The following SVIL variants were observed in gnomAD, a reference collection of about 807,000 sequenced individuals.
SVIL encodes the protein archvillin.
SVIL carries 101 observed loss-of-function variants against 240.4 expected under a neutral mutation model. That is an observed-to-expected ratio of 0.42 (90% CI 0.36 to 0.50). The LOEUF is 0.50. Among genes scored for constraint, SVIL ranks in the 20% least tolerant of loss-of-function variants. The pLI, the probability that SVIL is intolerant of heterozygous loss-of-function variation, is 0.01. For synonymous variants in SVIL, 999 were observed against 1,100.0 expected, an observed-to-expected ratio of 0.91 and a Z score of 1.82; for missense variants, 2,512 against 2,818.7, an observed-to-expected ratio of 0.89 and a Z score of 2.46.
intron 36 of SVIL, chr10:29,458,864 TG>T: frequency 4.7e-6 from 1 of 211,160 alleles, no homozygotes. Flanking sequence ...TGGAGTGCAG[TG>T]GTGCAATCAT....
At chr10:29,668,516 C>T (rs1260108162) in intron 2 of SVIL, among the ~76,000 whole-genome samples, 1 of 152,142 alleles carries the variant, frequency 6.6e-6, no homozygotes, top group African/African-American at 2.4e-5. Context: ...CTCTGTTGCC[C>T]AGGCTGGAGT....
chr10:29,609,277 C>A (rs1157862013), intron 1 of SVIL, among the ~76,000 whole-genome samples: 1 of 152,198 alleles, frequency 6.6e-6, no homozygotes, highest in Non-Finnish European at 1.5e-5. Context: ...TGCTCCTGGG[C>A]TATGGGAGTA....
chr10:29,707,983 C>T (rs915926055), intron 1 of SVIL, among the ~76,000 whole-genome samples: 5 of 152,130 alleles, frequency 3.3e-5, no homozygotes, highest in South Asian at 4.2e-4. Context: ...ACAGGCCATG[C>T]GCGGTGGCTC....
chr10:29,470,182 T>C, intron 32 of SVIL, 94 bp downstream of exon 32: 1 of 1,427,288 alleles, frequency 7.0e-7, no homozygotes, highest in Non-Finnish European at 9.8e-7. Context: ...TTCAGCACCC[T>C]GGGATCTGCT....
At chr10:29,466,610 C>T (rs1370433957) in intron 33 of SVIL, among the ~76,000 whole-genome samples, 2 of 152,296 alleles carry the variant, frequency 1.3e-5, no homozygotes, top group East Asian at 3.9e-4. Context: ...AACAACTCAA[C>T]TCCCCAGCTG....
At chr10:29,495,281 A>G in intron 18 of SVIL, 100 bp from the exon 19 acceptor site, 1 of 660,918 alleles carries the variant, frequency 1.5e-6, no homozygotes, top group East Asian at 2.9e-5. Context: ...AGACGGCACA[A>G]CATATAAGAA....
At chr10:29,663,203 G>C (rs1302595059) in intron 2 of SVIL, among the ~76,000 whole-genome samples, 1 of 152,162 alleles carries the variant, frequency 6.6e-6, no homozygotes, top group African/African-American at 2.4e-5. Flanking sequence ...AGAAGACTTT[G>C]TGATCCTAGA....
At chr10:29,554,663 T>C in intron 5 of SVIL, 120 bp downstream of exon 5, 1 of 1,279,698 alleles carries the variant, frequency 7.8e-7, no homozygotes, top group Non-Finnish European at 1.0e-6. Flanking sequence ...CTAAAAAAAT[T>C]ATATCCACAC....
rs143520897 is a variant in SVIL, at chr10:29,652,304, T to G, written c.-201+5665A>C. ...TTTCACATAAAAGGAATTATACAGT[T>G]TGTGTTCTTTGGTGTCTGGCTTCTT... On this transcript the variant is annotated intron_variant, in intron 3 of 35. Coordinates refer to the SVIL transcript ENST00000375400. Among the ~76,000 whole-genome samples, 456 of 152,268 alleles carry G rather than the reference T, an allele frequency of 3.0e-3. 6 individuals are homozygous for G. The highest frequency in any genetic ancestry group is 0.01 in the African/African-American group (434 of 41,556).
intron 2 of SVIL, among the ~76,000 whole-genome samples, chr10:29,675,573 C>T (rs953998803): frequency 1.3e-5 from 2 of 152,198 alleles, no homozygotes; most frequent in African/African-American, 4.8e-5. Flanking sequence ...CAGAACCTCA[C>T]AAAGCACACC....
At chr10:29,567,785 G>A (rs1429971565) in intron 2 of SVIL, among the ~76,000 whole-genome samples, 1 of 152,112 alleles carries the variant, frequency 6.6e-6, no homozygotes, top group Non-Finnish European at 1.5e-5. Context: ...GGGAGGCCGA[G>A]GTGGGTGGAT....
intron 6 of SVIL, among the ~76,000 whole-genome samples, chr10:29,546,138 C>T (rs570589992): frequency 6.6e-6 from 1 of 152,286 alleles, no homozygotes. Context: ...AGCTCAAGCT[C>T]AGGTGTTTAA....
At chr10:29,665,922 C>T (rs557961109) in intron 2 of SVIL, among the ~76,000 whole-genome samples, 6 of 152,154 alleles carry the variant, frequency 3.9e-5, no homozygotes, top group East Asian at 1.9e-4. Flanking sequence ...ACCCCCATAA[C>T]GGGGGAAAAA....
chr10:29,706,877 ACT>A (rs1838231967), intron 1 of SVIL, among the ~76,000 whole-genome samples: 1 of 152,176 alleles, frequency 6.6e-6, no homozygotes, highest in Admixed American at 6.5e-5. Context: ...TTTTCCCAGC[ACT>A]GTTTAACAAA....
At chr10:29,585,339 G>A (rs2132779424) in intron 1 of SVIL, among the ~76,000 whole-genome samples, 1 of 152,186 alleles carries the variant, frequency 6.6e-6, no homozygotes, top group Admixed American at 6.5e-5. Flanking sequence ...AGATATTACA[G>A]GAGTGTGTCA....
At position 29,557,295 on chromosome 10, in the gene SVIL, G is replaced by A. The variant is rs571891637; in HGVS notation, c.-50-2187C>T. Among the ~76,000 whole-genome samples, 392 of 152,030 alleles carry A rather than the reference G, an allele frequency of 2.6e-3. 2 individuals are homozygous for A. The highest frequency in any genetic ancestry group is 9.0e-3 in the African/African-American group (374 of 41,480). Reference sequence around the variant, plus strand: ...TTGTCTTTTGTGGAGACGGGGTTTCGCTATGTTATCCAGGATGGTCTTGAA... The same window carrying A: ...TTGTCTTTTGTGGAGACGGGGTTTCACTATGTTATCCAGGATGGTCTTGAA... On this transcript the variant is annotated intron_variant, in intron 3 of 37. Transcript: ENST00000355867.
At chr10:29,475,321 T>G (rs1946077703) in intron 29 of SVIL, 1 of 152,252 alleles carries the variant, frequency 6.6e-6, no homozygotes, top group Non-Finnish European at 1.5e-5. Context: ...CAAATGGGCA[T>G]TTTAGATGTT....
intron 29 of SVIL, among the ~76,000 whole-genome samples, chr10:29,474,495 T>G (rs1035438665): frequency 6.6e-6 from 1 of 152,022 alleles, no homozygotes; most frequent in Non-Finnish European, 1.5e-5. Context: ...CTTGGGAGAC[T>G]GAGGCAGGAG....
At chr10:29,665,086 A>C (rs983349016) in intron 2 of SVIL, among the ~76,000 whole-genome samples, 4 of 151,894 alleles carry the variant, frequency 2.6e-5, no homozygotes, top group Non-Finnish European at 5.9e-5. Context: ...TCTCTACAAA[A>C]TTTTTTTAAG....
Sources: gnomAD v4.1 joint callset for allele counts (sites outside exome capture counted in the v4.1 genomes callset) on GRCh38, gnomAD v4.1.1 for gene constraint, MANE v1.5 for transcripts, NCBI Gene and HGNC (gene_info 2026-07-23, HGNC 2026-07-21) for gene names.